Variants in SCRG1 observed in about 807,000 individuals in gnomAD.
SCRG1 encodes the protein stimulator of chondrogenesis 1.
Under a neutral mutation model 7.7 loss-of-function variants are expected in SCRG1, and 3 were observed. The ratio of observed to expected loss-of-function variants is 0.39; its 90% CI spans 0.18 to 1.01. The LOEUF is 1.01. SCRG1 is among the 50% of genes least tolerant of loss of function. The pLI is 0.36. For missense variants in SCRG1, 110 were observed against 117.2 expected (o/e 0.94, Z 0.28); for synonymous variants, 46 against 41.2 (o/e 1.12, Z -0.44).
At chr4:173,409,488 T>A (rs1284128180), upstream of SCRG1, among the ~76,000 whole-genome samples, 1 of 152,146 alleles carries the variant, frequency 6.6e-6, no homozygotes, top group Non-Finnish European at 1.5e-5. Context: ...ATGCTCTGTA[T>A]CCTTCCAGGT....
At chr4:173,498,163 T>C in the SCRG1 span, among the ~76,000 whole-genome samples, 2 of 152,252 alleles carry the variant, frequency 1.3e-5, no homozygotes, top group Non-Finnish European at 1.5e-5. Flanking sequence ...TTCTCTTACA[T>C]TGAATTCAAG....
the SCRG1 span, among the ~76,000 whole-genome samples, chr4:173,510,921 AAAG>A: frequency 3.3e-5 from 5 of 152,212 alleles, no homozygotes; most frequent in African/African-American, 1.2e-4. The surrounding 1 kb of genome is among the most constrained non-coding windows in gnomAD (Gnocchi z 5.7). Context: ...TGGCGTAGAC[AAAG>A]AATAACCAAG....
chr4:173,428,884 T>C, the SCRG1 span, among the ~76,000 whole-genome samples: 1 of 152,230 alleles, frequency 6.6e-6, no homozygotes, highest in East Asian at 1.9e-4. Flanking sequence ...AACCAACATG[T>C]AAATTTGCAT....
chr4:173,494,699 C>T, the SCRG1 span, among the ~76,000 whole-genome samples: 1 of 152,204 alleles, frequency 6.6e-6, no homozygotes, highest in Admixed American at 6.5e-5. Context: ...CCCAGGGCAG[C>T]CAGGCTGCTG....
the SCRG1 span, among the ~76,000 whole-genome samples, chr4:173,427,885 C>T: frequency 1.3e-5 from 2 of 152,204 alleles, no homozygotes; most frequent in East Asian, 1.9e-4. Context: ...ATAAGAACTA[C>T]TTAATACTTA....
At chr4:173,446,907 G>A in the SCRG1 span, among the ~76,000 whole-genome samples, 5 of 152,272 alleles carry the variant, frequency 3.3e-5, no homozygotes, top group African/African-American at 1.2e-4. Context: ...AATTTGGATT[G>A]AATTTTGGCA....
At chr4:173,471,357 G>A in the SCRG1 span, among the ~76,000 whole-genome samples, 3 of 152,194 alleles carry the variant, frequency 2.0e-5, no homozygotes, top group South Asian at 6.2e-4. Flanking sequence ...GGGCCTGACC[G>A]CTGGCATTAT....
At chr4:173,450,507 A>G in the SCRG1 span, among the ~76,000 whole-genome samples, 1 of 152,184 alleles carries the variant, frequency 6.6e-6, no homozygotes, top group East Asian at 1.9e-4. Flanking sequence ...AGTTGAGAGC[A>G]TGGGCAGCAT....
chr4:173,420,063 C>T, the SCRG1 span: 3 of 604,164 alleles, frequency 5.0e-6, no homozygotes, highest in African/African-American at 5.6e-5. Context: ...CAGTTTTACC[C>T]TTTCATCATC....
chr4:173,394,320 C>T (rs1739534165), intron 1 of SCRG1, among the ~76,000 whole-genome samples: 1 of 151,264 alleles, frequency 6.6e-6, no homozygotes, highest in Admixed American at 6.6e-5. Context: ...ATAGGTATTT[C>T]CATTGTGGTT....
At chr4:173,397,818 T>C (rs1344292806) in intron 1 of SCRG1, among the ~76,000 whole-genome samples, 1 of 152,204 alleles carries the variant, frequency 6.6e-6, no homozygotes, top group African/African-American at 2.4e-5. Flanking sequence ...TGGGAACTGG[T>C]ATTAAGAGCA....
chr4:173,421,196 A>T, the SCRG1 span, among the ~76,000 whole-genome samples: 1 of 152,230 alleles, frequency 6.6e-6, no homozygotes, highest in Non-Finnish European at 1.5e-5. Context: ...TAGTTCAAGG[A>T]TAAACATTTG....
At chr4:173,453,882 G>T in the SCRG1 span, among the ~76,000 whole-genome samples, 1 of 152,118 alleles carries the variant, frequency 6.6e-6, no homozygotes, top group African/African-American at 2.4e-5. Flanking sequence ...TTCGAGACCA[G>T]CCTGGCCAAC....
At chr4:173,468,936 C>T in the SCRG1 span, 2 of 151,938 alleles carry the variant, frequency 1.3e-5, no homozygotes, top group Non-Finnish European at 2.9e-5. Flanking sequence ...CTTGTTTTAT[C>T]TAGAGTGAAA....
At chr4:173,484,431 A>T in the SCRG1 span, among the ~76,000 whole-genome samples, 10 of 67,170 alleles carry the variant, frequency 1.5e-4, no homozygotes, top group African/African-American at 4.4e-4. Flanking sequence ...ATTATATATT[A>T]TATACATATG....
chr4:173,434,393 A>G, the SCRG1 span, among the ~76,000 whole-genome samples: 3 of 152,192 alleles, frequency 2.0e-5, no homozygotes, highest in South Asian at 6.2e-4. Flanking sequence ...TCAGGCCTCT[A>G]TTTGCCACAA....
the SCRG1 span, among the ~76,000 whole-genome samples, chr4:173,432,768 C>G: frequency 9.8e-5 from 15 of 152,312 alleles, no homozygotes; most frequent in Non-Finnish European, 2.2e-4. Flanking sequence ...TACAGCCACT[C>G]TTTGCTCTGC....
upstream of SCRG1, among the ~76,000 whole-genome samples, chr4:173,407,419 C>T (rs1739938239): frequency 6.6e-6 from 1 of 151,106 alleles, no homozygotes; most frequent in African/African-American, 2.4e-5. Context: ...CCTGTAGTCC[C>T]AGCTACTGGA....
the SCRG1 span, among the ~76,000 whole-genome samples, chr4:173,513,735 CT>C: frequency 6.6e-6 from 1 of 152,210 alleles, no homozygotes; most frequent in African/African-American, 2.4e-5. Context: ...TCCTCTCCCC[CT>C]ATCAGTGGAA....
Sources: gnomAD v4.1 joint callset for allele counts (sites outside exome capture counted in the v4.1 genomes callset) on GRCh38, gnomAD v4.1.1 for gene constraint, Gnocchi (gnomAD v3.1) non-coding constraint, MANE v1.5 for transcripts, NCBI Gene and HGNC (gene_info 2026-07-23, HGNC 2026-07-21) for gene names.